The following NELFA variants were observed in gnomAD, a reference collection of about 807,000 sequenced individuals.
The protein encoded by NELFA is negative elongation factor A.
Under a neutral mutation model 51.8 loss-of-function variants are expected in NELFA, and 35 were observed. That is an observed-to-expected ratio of 0.68 (90% CI 0.52 to 0.90). The LOEUF (loss-of-function observed/expected upper bound fraction) is 0.90, where lower values mean the gene tolerates loss of function less well. Ranked by LOEUF, NELFA falls within the 40% of genes least tolerant of loss-of-function variation. NELFA has a pLI of 0.00. For missense variants in NELFA, 658 were observed against 746.4 expected (o/e 0.88, Z 1.38); for synonymous variants, 417 against 338.4 (o/e 1.23, Z -2.55).
At chr4:2,001,602 T>C (rs771497053) in intron 1 of NELFA, among the ~76,000 whole-genome samples, 9 of 152,150 alleles carry the variant, frequency 5.9e-5, no homozygotes, top group Non-Finnish European at 8.8e-5. Flanking sequence ...CAAACCACTG[T>C]TGAAGAAAAT....
At chr4:1,992,162 G>C in intron 1 of NELFA, 1 of 214,912 alleles carries the variant, frequency 4.7e-6, no homozygotes, top group South Asian at 5.7e-5. Flanking sequence ...ACCTGCCGCG[G>C]GGGTGTGTGC....
At chr4:1,984,227 C>T (rs1728011456) in intron 8 of NELFA, 114 bp from the exon 9 acceptor site, 2 of 1,281,900 alleles carry the variant, frequency 1.6e-6, no homozygotes, top group South Asian at 1.6e-5. Context: ...TACCCTCTGA[C>T]AAGAACTCCC....
chr4:2,001,643 C>A (rs1234633841), intron 1 of NELFA, among the ~76,000 whole-genome samples: 3 of 152,232 alleles, frequency 2.0e-5, no homozygotes, highest in African/African-American at 7.2e-5. Context: ...TGGCTCACGC[C>A]TGTAATCCCA....
chr4:1,990,058 A>G lies in NELFA; in HGVS notation c.383-189T>C. ...CAGAACACCCAGGAGCATTTGCAGA[A>G]CAGGAATGCCTGAGAGGCGGGCATG... is the stretch of plus-strand genomic sequence containing the variant. On this transcript the variant is annotated intron_variant, in intron 2 of 10. Transcript: ENST00000382882. 3 of 639,488 alleles carry G rather than the reference A, an allele frequency of 4.7e-6. No homozygotes were observed. The East Asian group carries it at 8.3e-5, about 18-fold the overall frequency. 39.6% of individuals were successfully genotyped at this position (639,488 alleles called of 1,614,324 possible).
At chr4:2,006,900 T>A (rs1483016995) in intron 1 of NELFA, 1 of 152,504 alleles carries the variant, frequency 6.6e-6, no homozygotes, top group Non-Finnish European at 1.5e-5. Flanking sequence ...AAGACACTCT[T>A]ACAAAACAAT....
At chr4:2,005,737 A>C (rs1447751833) in intron 1 of NELFA, among the ~76,000 whole-genome samples, 1 of 152,134 alleles carries the variant, frequency 6.6e-6, no homozygotes, top group Non-Finnish European at 1.5e-5. Flanking sequence ...AAATCAACGC[A>C]TTTCTATATA....
chr4:2,007,699 C>T (rs1430285058), intron 1 of NELFA, among the ~76,000 whole-genome samples: 1 of 152,190 alleles, frequency 6.6e-6, no homozygotes, highest in Non-Finnish European at 1.5e-5. Flanking sequence ...TTCCAAGGAA[C>T]AGGCATGGTT....
Position 1,986,188 on chromosome 4 carries a change from C to G in NELFA, c.766-5G>C. 6.4e-7 allele frequency: 1 copy of G among 1,559,842 alleles called. No individual in the cohort carries two copies. Among genetic ancestry groups the G allele is most frequent in the Non-Finnish European group, 8.7e-7 (1 of 1,151,656 alleles). On this transcript the variant is annotated splice_region_variant and splice_polypyrimidine_tract_variant and intron_variant, in intron 5 of 10. Transcript: ENST00000382882. ...CAGCTCAGAGATGTCCAGCAGCTGC[C>G]AAGACAAGCACAGCCCTGCCTTAGT... is the stretch of plus-strand genomic sequence containing the variant.
chr4:1,988,463 C>T (rs1468933968), intron 3 of NELFA, among the ~76,000 whole-genome samples: 1 of 152,242 alleles, frequency 6.6e-6, no homozygotes, highest in Non-Finnish European at 1.5e-5. Context: ...GTGCCCAAAG[C>T]AGACCCTGTG....
In NELFA at chr4:1,983,212, C is replaced by G; in HGVS notation, c.*107G>C. On this transcript the variant is annotated 3_prime_UTR_variant, in exon 11 of 11. Transcript: ENST00000382882. ...GGCTGGGTCAGCAGCAGGGCGGCGG[C>G]CGGGGGACCTCGGGGGCCAGGTGTC... 1 of 1,192,138 alleles carries G rather than the reference C, an allele frequency of 8.4e-7. No homozygotes were observed. The highest frequency in any genetic ancestry group is 1.2e-6 in the Non-Finnish European group (1 of 851,600). 73.8% of individuals were successfully genotyped at this position (1,192,138 alleles called of 1,614,324 possible).
At chr4:1,996,362 C>A (rs576274) in intron 1 of NELFA, among the ~76,000 whole-genome samples, 1 of 152,002 alleles carries the variant, frequency 6.6e-6, no homozygotes, top group Non-Finnish European at 1.5e-5. Context: ...TTGTGGGATG[C>A]GGCTTACACT....
At chr4:1,994,763 G>A (rs1728377033) in intron 1 of NELFA, among the ~76,000 whole-genome samples, 2 of 151,240 alleles carry the variant, frequency 1.3e-5, no homozygotes, top group African/African-American at 2.4e-5. Flanking sequence ...GCTGAGGCAG[G>A]AGAATGGCGT....
At chr4:1,991,754 C>T in intron 1 of NELFA, 39 bp from the exon 2 acceptor site, 1 of 1,550,438 alleles carries the variant, frequency 6.4e-7, no homozygotes, top group Non-Finnish European at 8.7e-7. Flanking sequence ...CATGCCCCTG[C>T]CCACTTCCAA....
At chr4:1,992,795 G>A (rs781513305) in intron 1 of NELFA, among the ~76,000 whole-genome samples, 4 of 152,198 alleles carry the variant, frequency 2.6e-5, no homozygotes, top group Admixed American at 6.5e-5. Flanking sequence ...GAAGGGCAGA[G>A]ATCAGAGGTC....
In NELFA at chr4:1,989,788, G is replaced by A; in HGVS notation, c.464C>T (p.Pro155Leu). The change falls in exon 3 of 11, where the codon CCC becomes CTC. Residue 155 changes from proline to leucine, a missense_variant. Around this residue, in one of 3 missense-constraint regions of NELFA, gnomAD observed 371 missense variants for 448.3 expected, o/e 0.83. Coordinates refer to ENST00000382882, the MANE Select transcript of NELFA (RefSeq NM_005663.5). The surrounding 1 kb of genome is among the most constrained non-coding windows in gnomAD (Gnocchi z 4.8). ...NKNALTTLAG[P>L]LTPPVKHFQL... Reference sequence around the variant, plus strand: ...AAAATGCTTCACCGGGGGAGTGAGGGGTCCCGCGAGGGTCGTCAGGGCGTT... The same window carrying A: ...AAAATGCTTCACCGGGGGAGTGAGGAGTCCCGCGAGGGTCGTCAGGGCGTT... 1.2e-6 allele frequency: 2 copies of A among 1,614,188 alleles called. No homozygotes were observed. Among genetic ancestry groups the A allele is most frequent in the Non-Finnish European group, 1.7e-6 (2 of 1,180,044 alleles).
At chr4:1,986,660 G>A in intron 4 of NELFA, 1 of 477,866 alleles carries the variant, frequency 2.1e-6, no homozygotes, top group Non-Finnish European at 3.8e-6. Flanking sequence ...TCACCAGGTG[G>A]AGTCTCTCAC....
chr4:2,001,185 C>T (rs1176839184), intron 1 of NELFA, among the ~76,000 whole-genome samples: 1 of 152,104 alleles, frequency 6.6e-6, no homozygotes, highest in African/African-American at 2.4e-5. Context: ...ACAGCGAATA[C>T]CATATTGAAT....
chr4:1,984,747 G>A, intron 8 of NELFA, 61 bp downstream of exon 8: 1 of 1,264,990 alleles, frequency 7.9e-7, no homozygotes. Flanking sequence ...CAGCGCCCGT[G>A]GGCAAGGTCA....
rs767993415 is a variant in NELFA, at chr4:1,991,583, G to A, written c.343C>T (p.Pro115Ser). 9.3e-6 allele frequency: 15 copies of A among 1,613,932 alleles called. No individual in the cohort carries two copies. In the Admixed American group the frequency reaches 1.3e-4, roughly 14 times the overall value. Reference protein sequence around the residue: ...SLNLELEEQNPNVQDILGELR... With the variant: ...SLNLELEEQNSNVQDILGELR... ...TCTCCCAAAATATCCTGAACGTTGG[G>A]ATTCTGCTCCTCCAGCTCCAGGTTA... is the stretch of plus-strand genomic sequence containing the variant. Residue 115 changes from proline (P) to serine (S), a missense_variant, in exon 2 of 11, where the codon CCC becomes TCC. By Grantham distance (74) the Pro-to-Ser change is moderately conservative (BLOSUM62 -1). Around this residue, in one of 3 missense-constraint regions of NELFA, gnomAD observed 371 missense variants for 448.3 expected, o/e 0.83. Transcript: ENST00000382882.
Sources: allele counts gnomAD v4.1 joint callset (sites outside exome capture counted in the v4.1 genomes callset), GRCh38; gene constraint gnomAD v4.1.1; regional missense constraint gnomAD v4.1.1; non-coding constraint Gnocchi (gnomAD v3.1); transcripts MANE v1.5; gene names NCBI Gene and HGNC (gene_info 2026-07-23, HGNC 2026-07-21).